The following TMEM127 variants were observed in gnomAD, a reference collection of about 807,000 sequenced individuals.
TMEM127 encodes the protein transmembrane protein 127.
TMEM127 carries 21 observed loss-of-function variants against 20.1 expected under a neutral mutation model. The observed-to-expected ratio is 1.04, with a 90% CI of 0.74 to 1.50. The LOEUF (loss-of-function observed/expected upper bound fraction) is 1.50, where lower values mean the gene tolerates loss of function less well. TMEM127 is among the 40% of genes most tolerant of loss of function. The probability of loss-of-function intolerance (pLI) is 0.00; values close to 1 mark genes in which losing one functional copy is unlikely to be tolerated. For synonymous variants in TMEM127, 150 were observed against 144.7 expected, an observed-to-expected ratio of 1.04 and a Z score of -0.26; for missense variants, 303 against 317.4, an observed-to-expected ratio of 0.95 and a Z score of 0.34.
chr2:96,257,466 C>CA (rs895071757), intron 2 of TMEM127, among the ~76,000 whole-genome samples: 46 of 151,508 alleles, frequency 3.0e-4, no homozygotes, highest in African/African-American at 9.7e-4. Context: ...ATCTCAAAAA[C>CA]AAAAAACAAA....
Position 96,249,359 on chromosome 2 carries a change from G to A in TMEM127, c.*4449C>T, listed in dbSNP as rs1320870386. On this transcript the variant is annotated 3_prime_UTR_variant, in exon 4 of 4. Transcript: ENST00000258439. ...GATCCACCCACCTCGGCCTCCCAAA[G>A]TGCTGGGATAATAGGCGTGAGCCAC... 9.4e-6 allele frequency: 2 copies of A among 213,654 alleles called. No homozygotes were observed. Among genetic ancestry groups the A allele is most frequent in the South Asian group, 1.9e-4 (1 of 5,352 alleles). 13.2% of individuals were successfully genotyped at this position (213,654 alleles called of 1,614,324 possible). A position where few individuals can be genotyped will look rare whatever the true frequency, so the allele number is the denominator to read the frequency against.
intron 2 of TMEM127, among the ~76,000 whole-genome samples, chr2:96,257,355 G>T (rs985877115): frequency 2.0e-5 from 3 of 151,796 alleles, no homozygotes; most frequent in African/African-American, 7.3e-5. Context: ...CCAGCTACTC[G>T]GGGGGCTGAG....
rs199847975 is a variant in TMEM127, at chr2:96,263,963, C to T, written c.244+1175G>A. Among the ~76,000 whole-genome samples, 8 of 152,202 alleles carry T rather than the reference C, an allele frequency of 5.3e-5. No homozygotes were observed. In the East Asian group the frequency reaches 1.5e-3, roughly 29 times the overall value. ...CTGCATATAAGGCCTCTGTCGTGTG[C>T]ATAACTTTGGCTTTAATGAGCCAAC... is the stretch of plus-strand genomic sequence containing the variant. On this transcript the variant is annotated intron_variant, in intron 2 of 3. Transcript: ENST00000258439.
chr2:96,258,337 C>T (rs1275522151), intron 2 of TMEM127, among the ~76,000 whole-genome samples: 1 of 152,208 alleles, frequency 6.6e-6, no homozygotes, highest in African/African-American at 2.4e-5. Context: ...GGGGAGGGGA[C>T]CTAAACCCAG....
intron 3 of TMEM127, 69 bp from the exon 4 acceptor site, chr2:96,254,184 C>A: frequency 4.4e-6 from 7 of 1,584,066 alleles, no homozygotes; most frequent in Non-Finnish European, 6.0e-6. Context: ...CTTGAGGACC[C>A]AATCACAGCC....
chr2:96,256,976 G>C (rs1684220184), intron 2 of TMEM127, among the ~76,000 whole-genome samples: 1 of 152,110 alleles, frequency 6.6e-6, no homozygotes. Flanking sequence ...CAGAAGCCTT[G>C]GACAGTGCCA....
In TMEM127 at chr2:96,249,991, C is replaced by A; in HGVS notation, c.*3817G>T. The A allele has an allele frequency of 1.7e-5, 4 of 233,300 alleles. No individual in the cohort carries two copies. Among genetic ancestry groups the A allele is most frequent in the Non-Finnish European group, 3.4e-5 (4 of 118,084 alleles). 14.5% of individuals were successfully genotyped at this position (233,300 alleles called of 1,614,324 possible). On this transcript the variant is annotated 3_prime_UTR_variant, in exon 4 of 4. Transcript: ENST00000258439. ...CGTGACAGGTGGGCAGAGACTGGGG[C>A]TCCCGCATTCCCAACTCCAGCACCT...
chr2:96,262,262 TA>T (rs571622935), intron 2 of TMEM127, among the ~76,000 whole-genome samples: 1,943 of 132,926 alleles, frequency 0.015, 29 homozygotes, highest in African/African-American at 0.043. Context: ...CTGTCTCATT[TA>T]AAAAAAAAAA....
intron 2 of TMEM127, among the ~76,000 whole-genome samples, chr2:96,264,530 C>T (rs1042814899): frequency 2.5e-4 from 38 of 152,124 alleles, no homozygotes; most frequent in African/African-American, 8.5e-4. Context: ...CCCATAGGAC[C>T]CTCCCATCGT....
intron 2 of TMEM127, among the ~76,000 whole-genome samples, chr2:96,257,773 G>C (rs149912495): frequency 2.0e-4 from 31 of 152,200 alleles, no homozygotes; most frequent in African/African-American, 7.0e-4. Context: ...AAATCAGCCA[G>C]GTATGGTGGC....
rs1024081498 is a variant in TMEM127 at position 96,265,372 on chromosome 2, G to A, written c.10C>T (p.Pro4Ser). The change falls in exon 2 of 4, where the codon CCC (proline) becomes TCC (serine). Residue 4 changes from proline to serine, a missense_variant. By Grantham distance (74) the Pro-to-Ser change is moderately conservative. Coordinates refer to ENST00000258439, the MANE Select transcript of TMEM127 (RefSeq NM_017849.4). MYA[P>S]GGAGLPGGRR... is the part of the protein sequence containing the mutation. The stretch of plus-strand genomic sequence containing the variant: ...CCGCCGGGCAGCCCTGCGCCTCCGG[G>A]GGCGTACATGCCCGGGGCCGCCCGC... The A allele has an allele frequency of 1.5e-5, 22 of 1,461,642 alleles. No individual in the cohort carries two copies. The highest frequency in any genetic ancestry group is 9.0e-6 in the Non-Finnish European group (10 of 1,113,800). 90.5% of individuals were successfully genotyped at this position (1,461,642 alleles called of 1,614,324 possible). A position where few individuals can be genotyped will look rare whatever the true frequency, so the allele number is the denominator to read the frequency against.
intron 2 of TMEM127, among the ~76,000 whole-genome samples, chr2:96,255,967 T>C (rs1336745492): frequency 1.3e-5 from 2 of 151,738 alleles, no homozygotes; most frequent in South Asian, 4.2e-4. Flanking sequence ...AGAGAGACCC[T>C]GTCTCTTAAA....
At chr2:96,261,044 C>T (rs1312628183) in intron 2 of TMEM127, among the ~76,000 whole-genome samples, 1 of 152,210 alleles carries the variant, frequency 6.6e-6, no homozygotes, top group African/African-American at 2.4e-5. Flanking sequence ...TGTGATTCAC[C>T]TGACTTCTAC....
In TMEM127 at chr2:96,254,114, A is replaced by T. The variant is rs760099422; in HGVS notation, c.411T>A (p.Val137=). ...AGCCAATGACGGTGGCACACTGCAG[A>T]ACTAGGAGACAGAGGGACAGCACAG... ...RRYAFAHILT[V]LQCATVIGFS... Residue 137 remains valine (V), a splice_region_variant and synonymous_variant, in exon 4 of 4, where the codon GTT becomes GTA. Coordinates refer to ENST00000258439, the MANE Select transcript of TMEM127 (RefSeq NM_017849.4). 4.2e-5 allele frequency: 68 copies of T among 1,613,768 alleles called. No homozygotes were observed. The highest frequency in any genetic ancestry group is 5.8e-5 in the Non-Finnish European group (68 of 1,180,036).
At position 96,251,508 on chromosome 2, in the gene TMEM127, C is replaced by T. The variant is rs117655540; in HGVS notation, c.*2300G>A. On this transcript the variant is annotated 3_prime_UTR_variant, in exon 4 of 4. Transcript: ENST00000258439. ...TTACACTCCAGCCCGGGTGACAGAG[C>T]GAGACTCTTGTCTCAAAAACAAGAA... 453 of 224,446 alleles carry T rather than the reference C, an allele frequency of 2.0e-3. 10 individuals carry two copies. The East Asian group carries it at 0.026, about 13-fold the overall frequency. 13.9% of individuals were successfully genotyped at this position (224,446 alleles called of 1,614,324 possible).
chr2:96,255,950 A>C (rs1023974474), intron 2 of TMEM127, among the ~76,000 whole-genome samples: 8 of 150,934 alleles, frequency 5.3e-5, no homozygotes, highest in Non-Finnish European at 1.0e-4. Context: ...TCCAGCCTGG[A>C]TGACCGAGAG....
intron 2 of TMEM127, among the ~76,000 whole-genome samples, chr2:96,258,454 G>T (rs543911873): frequency 6.6e-6 from 1 of 152,198 alleles, no homozygotes; most frequent in Non-Finnish European, 1.5e-5. Flanking sequence ...CTCAGAGTTC[G>T]CCCAGCAGAG....
Position 96,253,477 on chromosome 2 carries a change from C to T in TMEM127, c.*331G>A, listed in dbSNP as rs995450661. 7.8e-6 allele frequency: 3 copies of T among 385,110 alleles called. No individual in the cohort carries two copies. The highest frequency in any genetic ancestry group is 9.5e-6 in the Non-Finnish European group (2 of 210,106). 23.9% of individuals were successfully genotyped at this position (385,110 alleles called of 1,614,324 possible). Reference sequence around the variant, plus strand: ...TGTTTTTGGGACTGTCCGCTCTCAGCAGCTCTCCAAGGAAAGTCTCGGTCC... The same window carrying T: ...TGTTTTTGGGACTGTCCGCTCTCAGTAGCTCTCCAAGGAAAGTCTCGGTCC... On this transcript the variant is annotated 3_prime_UTR_variant, in exon 4 of 4. Transcript: ENST00000258439. The surrounding 1 kb of genome is among the most constrained non-coding windows in gnomAD (Gnocchi z 4.3).
intron 2 of TMEM127, among the ~76,000 whole-genome samples, chr2:96,256,202 T>G (rs1573971190): frequency 6.9e-6 from 1 of 144,938 alleles, no homozygotes; most frequent in African/African-American, 2.6e-5. Flanking sequence ...ACCCGGAAGG[T>G]GGAGGTTGCA....
Sources: gnomAD v4.1 joint callset for allele counts (sites outside exome capture counted in the v4.1 genomes callset) on GRCh38, gnomAD v4.1.1 for gene constraint, Gnocchi (gnomAD v3.1) non-coding constraint, MANE v1.5 for transcripts, NCBI Gene and HGNC (gene_info 2026-07-23, HGNC 2026-07-21) for gene names.